Variants in IL10RB observed in about 807,000 individuals in gnomAD.
The protein encoded by IL10RB is interleukin 10 receptor subunit beta.
Under a neutral mutation model 38.7 loss-of-function variants are expected in IL10RB, and 30 were observed. The ratio of observed to expected loss-of-function variants is 0.78; its 90% CI spans 0.58 to 1.05. IL10RB has a LOEUF of 1.05. IL10RB is among the 50% of genes least tolerant of loss of function. The pLI, the probability that IL10RB is intolerant of heterozygous loss-of-function variation, is 0.00. For missense variants in IL10RB, 328 were observed against 397.1 expected, an observed-to-expected ratio of 0.83 and a Z score of 1.48; for synonymous variants, 142 against 145.9, an observed-to-expected ratio of 0.97 and a Z score of 0.19.
chr21:33,296,442 A>T lies in IL10RB; in HGVS notation c.*85A>T, dbSNP rs3171425. ...TCAGTGAGGGATCAGGGCAGCAAAC[A>T]AGGGCCAAGACCATCTGAGCCAGCC... On this transcript the variant is annotated 3_prime_UTR_variant, in exon 7 of 7. Coordinates refer to ENST00000290200, the MANE Select transcript of IL10RB (RefSeq NM_000628.5). 1 of 1,354,998 alleles carries T rather than the reference A, an allele frequency of 7.4e-7. No individual in the cohort carries two copies. Among genetic ancestry groups the T allele is most frequent in the South Asian group, 1.2e-5 (1 of 83,758 alleles). The allele number at this position is 1,354,998 out of a possible 1,614,324, so 83.9% of individuals were successfully genotyped here. A position where few individuals can be genotyped will look rare whatever the true frequency, so the allele number is the denominator to read the frequency against.
intron 5 of IL10RB, among the ~76,000 whole-genome samples, chr21:33,284,296 C>CAAA (rs59098773): frequency 5.8e-5 from 4 of 69,140 alleles, no homozygotes; most frequent in Admixed American, 1.7e-4. Flanking sequence ...GACCCTGCCT[C>CAAA]AAAAAAAAAA....
At chr21:33,274,304 G>A (rs1989132502) in intron 2 of IL10RB, among the ~76,000 whole-genome samples, 1 of 152,008 alleles carries the variant, frequency 6.6e-6, no homozygotes, top group African/African-American at 2.4e-5. Flanking sequence ...TCCTGCCTCA[G>A]CTTCCCAAGT....
chr21:33,275,061 G>A (rs1390540231), intron 2 of IL10RB, among the ~76,000 whole-genome samples: 1 of 151,910 alleles, frequency 6.6e-6, no homozygotes, highest in African/African-American at 2.4e-5. Flanking sequence ...TTCTACATGG[G>A]CACTTGCTGC....
At chr21:33,282,124 C>G (rs28385660) in intron 4 of IL10RB, among the ~76,000 whole-genome samples, 3,160 of 115,180 alleles carry the variant, frequency 0.027, 50 homozygotes, top group Non-Finnish European at 0.043. Flanking sequence ...GAAGTTAAAC[C>G]ATTTTCTTCA....
At position 33,296,972 on chromosome 21, in the gene IL10RB, A is replaced by T. The variant is rs2082970129; in HGVS notation, c.*615A>T. 1 of 159,896 alleles carries T rather than the reference A, an allele frequency of 6.3e-6. No homozygotes were observed. The highest frequency in any genetic ancestry group is 6.2e-5 in the Admixed American group (1 of 16,238). The allele number at this position is 159,896 out of a possible 1,614,324, so 9.9% of individuals were successfully genotyped here. On this transcript the variant is annotated 3_prime_UTR_variant, in exon 7 of 7. Coordinates refer to ENST00000290200, the MANE Select transcript of IL10RB (RefSeq NM_000628.5). ...CCATCTCAAAAAAAAAAAAAAAAAA[A>T]ATTGTGAGAAACAGAAATACTTAAA...
chr21:33,295,614 G>C (rs1282085147), intron 6 of IL10RB, among the ~76,000 whole-genome samples: 1 of 145,714 alleles, frequency 6.9e-6, no homozygotes, highest in Non-Finnish European at 1.5e-5. Context: ...AAAGGTTGCA[G>C]TGAGCCAAAA....
intron 5 of IL10RB, among the ~76,000 whole-genome samples, chr21:33,286,083 C>T (rs1485826439): frequency 6.6e-6 from 1 of 152,026 alleles, no homozygotes; most frequent in South Asian, 2.1e-4. Flanking sequence ...CACAAGAGAA[C>T]GAGGGCCATG....
intron 1 of IL10RB, among the ~76,000 whole-genome samples, chr21:33,266,788 C>T (rs987752804): frequency 6.6e-6 from 1 of 152,182 alleles, no homozygotes; most frequent in African/African-American, 2.4e-5. Context: ...ATTCCCTGTC[C>T]TCCTGCAGCT....
chr21:33,280,653 C>T (rs2244305), intron 4 of IL10RB, among the ~76,000 whole-genome samples: 72,912 of 151,948 alleles, frequency 0.48, 18,202 homozygotes, highest in African/African-American at 0.62. Context: ...TTTATTCTGA[C>T]ACCTAATGCT....
At chr21:33,303,222 A>G (rs2082990261) in intron 1 of IL10RB, among the ~76,000 whole-genome samples, 1 of 152,146 alleles carries the variant, frequency 6.6e-6, no homozygotes, top group Non-Finnish European at 1.5e-5. Context: ...AAGCCTCAAC[A>G]GAGAGATGAC....
intron 4 of IL10RB, among the ~76,000 whole-genome samples, chr21:33,281,186 T>TCC (rs1989273632): frequency 6.6e-6 from 1 of 152,208 alleles, no homozygotes; most frequent in South Asian, 2.1e-4. Flanking sequence ...TCTGAAAACC[T>TCC]CCACCTCTGA....
chr21:33,268,563 C>T, intron 2 of IL10RB, 46 bp downstream of exon 2: 1 of 1,386,278 alleles, frequency 7.2e-7, no homozygotes. Flanking sequence ...GAGGAGCCAG[C>T]CCTGGGCTGG....
At chr21:33,299,128 C>G (rs990919348), downstream of IL10RB, among the ~76,000 whole-genome samples, 1 of 152,154 alleles carries the variant, frequency 6.6e-6, no homozygotes, top group Non-Finnish European at 1.5e-5. Context: ...ACTCGCACCC[C>G]CTCCCTCTGC....
At chr21:33,273,217 G>A (rs922579466) in intron 2 of IL10RB, among the ~76,000 whole-genome samples, 5 of 152,258 alleles carry the variant, frequency 3.3e-5, no homozygotes, top group Middle Eastern at 3.4e-3. Context: ...GTAGGCAATC[G>A]TAACACAATG....
exon 2 of IL10RB, chr21:33,309,901 A>G (rs746699322): frequency 6.6e-6 from 1 of 152,230 alleles, no homozygotes; most frequent in Non-Finnish European, 1.5e-5. Context: ...CACATGTTGA[A>G]ACCCTAATCC....
intron 6 of IL10RB, among the ~76,000 whole-genome samples, chr21:33,294,466 T>C (rs776978242): frequency 7.9e-5 from 12 of 152,022 alleles, no homozygotes; most frequent in Non-Finnish European, 1.6e-4. Flanking sequence ...CTTCCTTTGA[T>C]CTCTCCTGTC....
chr21:33,309,040 G>C (rs1354350577), exon 2 of IL10RB: 3 of 152,230 alleles, frequency 2.0e-5, no homozygotes, highest in African/African-American at 7.2e-5. Context: ...CAGCTGAAGA[G>C]GTTCTTTATG....
rs572377713 is a variant in IL10RB, at chr21:33,287,536, A to T, written c.647-568A>T. On this transcript the variant is annotated intron_variant, in intron 5 of 6. Transcript: ENST00000290200. ...ATCATACCCAGCTAATTTTTAAAAA[A>T]TTTTTTTTGTTGTAGAGAAGGGGTC... Among the ~76,000 whole-genome samples the T allele has an allele frequency of 2.7e-3, 404 of 151,964 alleles. 1 individual carries two copies. Among genetic ancestry groups the T allele is most frequent in the Non-Finnish European group, 4.3e-3 (295 of 67,918 alleles).
At position 33,296,675 on chromosome 21, in the gene IL10RB, AC is replaced by A; in HGVS notation, c.*319del. The A allele has an allele frequency of 2.3e-6, 1 of 441,936 alleles. No individual in the cohort carries two copies. Among genetic ancestry groups the A allele is most frequent in the Non-Finnish European group, 4.4e-6 (1 of 225,620 alleles). The allele number at this position is 441,936 out of a possible 1,614,324, so 27.4% of individuals were successfully genotyped here. ...TTAATTGTGAGAAACAGGGCCGAGC[AC>A]AGTGGCTCACGCCTGTAATACCAGC... On this transcript the variant is annotated 3_prime_UTR_variant, in exon 7 of 7. Coordinates refer to ENST00000290200, the MANE Select transcript of IL10RB (RefSeq NM_000628.5).
Sources: gnomAD v4.1 joint callset for allele counts (sites outside exome capture counted in the v4.1 genomes callset) on GRCh38, gnomAD v4.1.1 for gene constraint, MANE v1.5 for transcripts, NCBI Gene and HGNC (gene_info 2026-07-23, HGNC 2026-07-21) for gene names.